SLCO3A1: variants seen among roughly 807,000 people sequenced by gnomAD.
The protein encoded by SLCO3A1 is PGE1 transporter.
Under a neutral mutation model 63.1 loss-of-function variants are expected in SLCO3A1, and 27 were observed. The ratio of observed to expected loss-of-function variants is 0.43; its 90% CI spans 0.32 to 0.59. The LOEUF is 0.59. SLCO3A1 is among the 20% of genes least tolerant of loss of function. The pLI, the probability that SLCO3A1 is intolerant of heterozygous loss-of-function variation, is 0.09. For synonymous variants in SLCO3A1, 473 were observed against 409.9 expected (o/e 1.15, Z -1.86); for missense variants, 773 against 945.8 (o/e 0.82, Z 2.40).
chr15:91,889,299 T>A, intron 1 of SLCO3A1: 1 of 486,520 alleles, frequency 2.1e-6, no homozygotes, highest in Non-Finnish European at 3.9e-6. Flanking sequence ...ATAGCACCTG[T>A]AGGCCTCTGC....
In SLCO3A1 at chr15:91,901,186, T is replaced by C. The variant is rs956533334; in HGVS notation, c.181-14807T>C. Among the ~76,000 whole-genome samples the C allele has an allele frequency of 3.9e-5, 6 of 152,342 alleles. No homozygotes were observed. In the East Asian group the frequency reaches 9.6e-4, roughly 24 times the overall value. ...TCTTAGTGATTGCATGTATGATATA[T>C]GTCTTAAGTTATCACAGTGTACTTC... On this transcript the variant is annotated intron_variant, in intron 1 of 9. Coordinates refer to ENST00000318445, the MANE Select transcript of SLCO3A1 (RefSeq NM_013272.4).
intron 5 of SLCO3A1, among the ~76,000 whole-genome samples, chr15:92,123,825 T>C (rs886477847): frequency 1.3e-5 from 2 of 152,320 alleles, no homozygotes; most frequent in South Asian, 4.1e-4. Context: ...GCCTACATCT[T>C]CTATCGACAA....
chr15:91,964,963 C>T (rs902386247), intron 2 of SLCO3A1, among the ~76,000 whole-genome samples: 1 of 151,964 alleles, frequency 6.6e-6, no homozygotes, highest in Non-Finnish European at 1.5e-5. Flanking sequence ...GCAGTCCTAC[C>T]TCTAGACTTT....
rs186036131 is a variant in SLCO3A1, at chr15:92,111,781, A to G, written c.1009+7239A>G. Among the ~76,000 whole-genome samples, 176 of 152,320 alleles carry G rather than the reference A, an allele frequency of 1.2e-3. 4 individuals carry two copies. Among genetic ancestry groups the G allele is most frequent in the Admixed American group, 9.9e-3 (151 of 15,310 alleles). On this transcript the variant is annotated intron_variant, in intron 4 of 9. Transcript: ENST00000318445. ...ATTCCTGGAGTGCGTGTTGAATGAA[A>G]GAATGAAGGAAATAATTAGAAGGCA...
Position 91,863,468 on chromosome 15 carries a change from G to A in SLCO3A1, c.180+9380G>A, listed in dbSNP as rs570203346. On this transcript the variant is annotated intron_variant, in intron 1 of 9. Coordinates refer to ENST00000318445, the MANE Select transcript of SLCO3A1 (RefSeq NM_013272.4). The surrounding 1 kb of genome is among the most constrained non-coding windows in gnomAD (Gnocchi z 4.3). Reference sequence around the variant, plus strand: ...TTGTGACAGACACCATCCTTTGGCCGTTTCATTTCTCAGAGTGCTGCTGTG... The same window carrying A: ...TTGTGACAGACACCATCCTTTGGCCATTTCATTTCTCAGAGTGCTGCTGTG... Among the ~76,000 whole-genome samples, 6 of 152,330 alleles carry A rather than the reference G, an allele frequency of 3.9e-5. No individual in the cohort carries two copies. The South Asian group carries it at 6.2e-4, about 16-fold the overall frequency.
rs1050465644 is a variant in SLCO3A1, at chr15:91,854,480, A to T, written c.180+392A>T. ...GTTTTCAGGTGACCTGCACATGGGA[A>T]GAAAAACCAGTTAGCATCCTGCGTC... is the stretch of plus-strand genomic sequence containing the variant. On this transcript the variant is annotated intron_variant, in intron 1 of 9. Coordinates refer to ENST00000318445, the MANE Select transcript of SLCO3A1 (RefSeq NM_013272.4). This position sits in a 1 kb window ranked among gnomAD's most constrained non-coding sequence, Gnocchi z 6.4. 3.5e-6 allele frequency: 2 copies of T among 566,808 alleles called. No individual in the cohort carries two copies. Among genetic ancestry groups the T allele is most frequent in the Non-Finnish European group, 4.5e-6 (2 of 443,100 alleles). The allele number at this position is 566,808 out of a possible 1,614,324, so 35.1% of individuals were successfully genotyped here.
chr15:92,055,908 C>CTCA (rs2047015633), intron 2 of SLCO3A1, among the ~76,000 whole-genome samples: 1 of 152,176 alleles, frequency 6.6e-6, no homozygotes, highest in African/African-American at 2.4e-5. Context: ...CCCCTTTGTG[C>CTCA]TCATATTTAT....
chr15:92,159,762 T>A (rs56028622), intron 9 of SLCO3A1, among the ~76,000 whole-genome samples: 3,022 of 152,148 alleles, frequency 0.02, 106 homozygotes, highest in African/African-American at 0.069. Context: ...AGGCAAGATA[T>A]AATTGGCATA....
At chr15:92,043,221 G>T (rs2046820003) in intron 2 of SLCO3A1, among the ~76,000 whole-genome samples, 1 of 138,984 alleles carries the variant, frequency 7.2e-6, no homozygotes, top group African/African-American at 2.6e-5. Flanking sequence ...AAGGGTGGGT[G>T]GGTGGGAGGA....
chr15:91,933,380 T>C (rs944218144), intron 2 of SLCO3A1, among the ~76,000 whole-genome samples: 2 of 152,224 alleles, frequency 1.3e-5, no homozygotes, highest in Non-Finnish European at 2.9e-5. Flanking sequence ...GTTCCATTTC[T>C]TACCTTGGAA....
intron 2 of SLCO3A1, among the ~76,000 whole-genome samples, chr15:91,977,061 C>G (rs1459789641): frequency 1.3e-5 from 2 of 152,042 alleles, no homozygotes; most frequent in Non-Finnish European, 2.9e-5. Flanking sequence ...TGTTCTGGAA[C>G]TAGATAGGGG....
In SLCO3A1 at chr15:92,033,281, G is replaced by A. The variant is rs772632490; in HGVS notation, c.647-61600G>A. On this transcript the variant is annotated intron_variant, in intron 2 of 9. Coordinates refer to ENST00000318445, the MANE Select transcript of SLCO3A1 (RefSeq NM_013272.4). The surrounding 1 kb of genome is among the most constrained non-coding windows in gnomAD (Gnocchi z 4.5). ...GAGCATATTGTTCCAGCACCTGCAA[G>A]TGTGGAAATGGACACGGATGTCCTC... Among the ~76,000 whole-genome samples the A allele has an allele frequency of 1.3e-5, 2 of 152,248 alleles. No homozygotes were observed. The highest frequency in any genetic ancestry group is 2.9e-5 in the Non-Finnish European group (2 of 68,048).
chr15:91,974,802 T>A (rs1269114002), intron 2 of SLCO3A1, among the ~76,000 whole-genome samples: 1 of 152,164 alleles, frequency 6.6e-6, no homozygotes, highest in Non-Finnish European at 1.5e-5. Flanking sequence ...TGACCCTGTC[T>A]TCAAGAGGTG....
At position 91,946,139 on chromosome 15, in the gene SLCO3A1, A is replaced by G. The variant is rs1444818670; in HGVS notation, c.646+29681A>G. 3.3e-5 allele frequency among the ~76,000 whole-genome samples: 5 copies of G among 152,298 alleles called. No individual in the cohort carries two copies. In the East Asian group the frequency reaches 7.7e-4, roughly 24 times the overall value. On this transcript the variant is annotated intron_variant, in intron 2 of 9. Coordinates refer to ENST00000318445, the MANE Select transcript of SLCO3A1 (RefSeq NM_013272.4). ...ACTTCAGGGAGTGTGTCCCCAGGTC[A>G]CCTTGGTTCTGTGGACGCTGAGAGC...
chr15:91,989,063 A>G (rs1597193677), intron 2 of SLCO3A1, among the ~76,000 whole-genome samples: 1 of 152,262 alleles, frequency 6.6e-6, no homozygotes, highest in East Asian at 1.9e-4. Flanking sequence ...GAATTGGTTC[A>G]TCTCCTGACA....
In SLCO3A1 at chr15:91,943,856, A is replaced by G. The variant is rs549724518; in HGVS notation, c.646+27398A>G. The stretch of plus-strand genomic sequence containing the variant: ...AGAGGCCAGCTCTTGCTGGATTCCA[A>G]TGACCTGGTTCCCTCTTTGTGCCTC... On this transcript the variant is annotated intron_variant, in intron 2 of 9. Coordinates refer to ENST00000318445, the MANE Select transcript of SLCO3A1 (RefSeq NM_013272.4). 2.0e-4 allele frequency among the ~76,000 whole-genome samples: 30 copies of G among 152,214 alleles called. 1 individual carries two copies. In the East Asian group the frequency reaches 4.7e-3, roughly 24 times the overall value.
chr15:91,899,989 A>G (rs1230620509), intron 1 of SLCO3A1, among the ~76,000 whole-genome samples: 1 of 152,198 alleles, frequency 6.6e-6, no homozygotes, highest in African/African-American at 2.4e-5. Flanking sequence ...AATTTAGTAG[A>G]TACTGTATTT....
At chr15:92,079,408 T>G (rs1236087587) in intron 2 of SLCO3A1, among the ~76,000 whole-genome samples, 1 of 152,106 alleles carries the variant, frequency 6.6e-6, no homozygotes, top group African/African-American at 2.4e-5. Flanking sequence ...AAGCCTGAGA[T>G]GGTAGTGTTG....
At chr15:92,055,908 C>T (rs2047015567) in intron 2 of SLCO3A1, among the ~76,000 whole-genome samples, 1 of 152,176 alleles carries the variant, frequency 6.6e-6, no homozygotes, top group Admixed American at 6.5e-5. Context: ...CCCCTTTGTG[C>T]TCATATTTAT....
Sources: allele counts gnomAD v4.1 joint callset (sites outside exome capture counted in the v4.1 genomes callset), GRCh38; gene constraint gnomAD v4.1.1; non-coding constraint Gnocchi (gnomAD v3.1); transcripts MANE v1.5; gene names NCBI Gene and HGNC (gene_info 2026-07-23, HGNC 2026-07-21).